Variants in TRIM67 observed in about 807,000 individuals in gnomAD.
TRIM67 encodes tripartite motif-containing protein 67.
Under a neutral mutation model 71.0 loss-of-function variants are expected in TRIM67, and 39 were observed. The ratio of observed to expected loss-of-function variants is 0.55; its 90% CI spans 0.43 to 0.72. The LOEUF (loss-of-function observed/expected upper bound fraction) is 0.72, where lower values mean the gene tolerates loss of function less well. Among genes scored for constraint, TRIM67 ranks in the 30% least tolerant of loss-of-function variants. The probability of loss-of-function intolerance (pLI) is 0.00; values close to 1 mark genes in which losing one functional copy is unlikely to be tolerated. For synonymous variants in TRIM67, 481 were observed against 473.9 expected (o/e 1.01, Z -0.19); for missense variants, 973 against 1,079.2 (o/e 0.90, Z 1.38).
In TRIM67 at chr1:231,205,401, G is replaced by T. The variant is rs921642708; in HGVS notation, c.1681-1251G>T. Among the ~76,000 whole-genome samples the T allele has an allele frequency of 4.6e-5, 7 of 152,310 alleles. No homozygotes were observed. In the South Asian group the frequency reaches 1.5e-3, roughly 32 times the overall value. On this transcript the variant is annotated intron_variant, in intron 6 of 9. Coordinates refer to ENST00000366653, the MANE Select transcript of TRIM67 (RefSeq NM_001004342.5). The stretch of plus-strand genomic sequence containing the variant: ...TGAATAGGACAAAGGTAACTTTGAA[G>T]CTAATGGAGAACAAGATCAATCTTT...
chr1:231,176,971 A>T (rs1196316667), intron 1 of TRIM67, among the ~76,000 whole-genome samples: 4 of 148,948 alleles, frequency 2.7e-5, no homozygotes, highest in Non-Finnish European at 5.9e-5. Context: ...GGGGCTAGAG[A>T]TGGGGAGAAA....
intron 5 of TRIM67, 89 bp downstream of exon 5, chr1:231,201,606 T>A (rs975421038): frequency 1.4e-6 from 2 of 1,451,360 alleles, no homozygotes; most frequent in Non-Finnish European, 1.8e-6. Flanking sequence ...TAGGGAGACC[T>A]GTGATGCACG....
At chr1:231,196,438 AC>A (rs906332704) in intron 1 of TRIM67, among the ~76,000 whole-genome samples, 3 of 151,958 alleles carry the variant, frequency 2.0e-5, no homozygotes, top group African/African-American at 7.3e-5. Flanking sequence ...CCTCCGAGAC[AC>A]CATCTCTACT....
chr1:231,177,079 G>A (rs1395620544), intron 1 of TRIM67, among the ~76,000 whole-genome samples: 1 of 152,060 alleles, frequency 6.6e-6, no homozygotes, highest in Non-Finnish European at 1.5e-5. Flanking sequence ...GGCTGATTTT[G>A]GTCATTTAAA....
At chr1:231,201,327 C>G in intron 4 of TRIM67, 31 bp from the exon 5 acceptor site, 1 of 1,595,068 alleles carries the variant, frequency 6.3e-7, no homozygotes, top group Non-Finnish European at 8.5e-7. Context: ...CTTTGCAAAG[C>G]AAAACCTTAA....
chr1:231,178,845 G>A (rs1265687607), intron 1 of TRIM67, among the ~76,000 whole-genome samples: 1 of 152,226 alleles, frequency 6.6e-6, no homozygotes, highest in East Asian at 1.9e-4. Flanking sequence ...GAAGTCAGAT[G>A]AGGTTAGTAA....
Position 231,163,152 on chromosome 1 carries a change from C to T in TRIM67, c.183C>T (p.Ala61=). The T allele has an allele frequency of 6.5e-7, 1 of 1,527,688 alleles. No individual in the cohort carries two copies. Among genetic ancestry groups the T allele is most frequent in the Non-Finnish European group, 8.8e-7 (1 of 1,138,952 alleles). The allele number at this position is 1,527,688 out of a possible 1,614,324, so 94.6% of individuals were successfully genotyped here. Reference sequence around the variant, plus strand: ...GGGGATCGGGGCTGCAGGCGGGCGCCGCCGCCGCTGCCTCTCTGGAGCACG... The same window carrying T: ...GGGGATCGGGGCTGCAGGCGGGCGCTGCCGCCGCTGCCTCTCTGGAGCACG... ...LSRGSGLQAG[A]AAAASLEHDA... The change falls in exon 1 of 10, where the codon GCC becomes GCT. Residue 61 remains alanine, a synonymous_variant. Transcript: ENST00000366653.
In TRIM67 at chr1:231,163,258, G is replaced by T. The variant is rs922742116; in HGVS notation, c.289G>T (p.Asp97Tyr). Residue 97 changes from aspartate (D) to tyrosine (Y), a missense_variant, in exon 1 of 10, where the codon GAC (aspartate) becomes TAC (tyrosine). By Grantham distance (160) the Asp-to-Tyr change is radical. This residue lies in a region of TRIM67 where 795 missense variants were observed against 831.3 expected (regional missense o/e 0.96). Transcript: ENST00000366653. Reference protein sequence around the residue: ...GLGGGAGGGGDHADKLSLYSE... With the variant: ...GLGGGAGGGGYHADKLSLYSE... ...CGGCGGCGGTGCGGGAGGTGGCGGA[G>T]ACCACGCGGACAAGCTCAGCTTGTA... is the stretch of plus-strand genomic sequence containing the variant. 4.8e-5 allele frequency: 72 copies of T among 1,512,900 alleles called. No homozygotes were observed. Among genetic ancestry groups the T allele is most frequent in the Non-Finnish European group, 6.1e-5 (69 of 1,130,542 alleles). The allele number at this position is 1,512,900 out of a possible 1,614,324, so 93.7% of individuals were successfully genotyped here.
rs75857460 is a variant in TRIM67 at position 231,176,287 on chromosome 1, C to T, written c.1044+12274C>T. Among the ~76,000 whole-genome samples the T allele has an allele frequency of 7.8e-3, 1,181 of 152,204 alleles. 8 individuals are homozygous for T. The highest frequency in any genetic ancestry group is 0.013 in the Non-Finnish European group (899 of 68,022). On this transcript the variant is annotated intron_variant, in intron 1 of 9. Coordinates refer to ENST00000366653, the MANE Select transcript of TRIM67 (RefSeq NM_001004342.5). ...TTGTACAGCCAACCTGATGTATATG[C>T]GCCTGATATGAAAAGTGGAATAAGT...
chr1:231,199,177 C>G lies in TRIM67; in HGVS notation c.1263+8C>G. 1 of 1,613,752 alleles carries G rather than the reference C, an allele frequency of 6.2e-7. No homozygotes were observed. The highest frequency in any genetic ancestry group is 8.5e-7 in the Non-Finnish European group (1 of 1,179,776). On this transcript the variant is annotated splice_region_variant and intron_variant, in intron 3 of 9. Coordinates refer to ENST00000366653, the MANE Select transcript of TRIM67 (RefSeq NM_001004342.5). ...AGGGAACACAAGTTGAAGGTAGGTA[C>G]CTGGGGGACTGACACATTGAATCCC...
chr1:231,194,542 G>A (rs943131472), intron 1 of TRIM67, among the ~76,000 whole-genome samples: 5 of 152,190 alleles, frequency 3.3e-5, no homozygotes, highest in Admixed American at 1.3e-4. Flanking sequence ...TGAAGGAGAA[G>A]GGAGAGCTCC....
Position 231,216,638 on chromosome 1 carries a change from G to A in TRIM67, c.*1198G>A. 6 of 985,592 alleles carry A rather than the reference G, an allele frequency of 6.1e-6. No homozygotes were observed. Among genetic ancestry groups the A allele is most frequent in the Non-Finnish European group, 7.2e-6 (6 of 830,022 alleles). 61.1% of individuals were successfully genotyped at this position (985,592 alleles called of 1,614,324 possible). ...TGATGCAGTGGGCGGGATCTCTGGG[G>A]AAGGCAGGAAATAGAAGGGCAGTAT... On this transcript the variant is annotated 3_prime_UTR_variant, in exon 10 of 10. Coordinates refer to ENST00000366653, the MANE Select transcript of TRIM67 (RefSeq NM_001004342.5).
chr1:231,164,202 A>T (rs1264774390), intron 1 of TRIM67, among the ~76,000 whole-genome samples, 189 bp downstream of exon 1: 1 of 152,226 alleles, frequency 6.6e-6, no homozygotes, highest in East Asian at 1.9e-4. Context: ...GGTACTTTGG[A>T]CTGGATGCTG....
chr1:231,219,676 A>T lies in TRIM67; in HGVS notation c.*4236A>T. ...TTACTGGAAGCAACAGGAACTTCTT[A>T]ATGGGTTTGTGGCCCTCAATTGGTT... is the stretch of plus-strand genomic sequence containing the variant. On this transcript the variant is annotated 3_prime_UTR_variant, in exon 10 of 10. Transcript: ENST00000366653. 8.5e-7 allele frequency: 1 copy of T among 1,171,704 alleles called. No individual in the cohort carries two copies. The highest frequency in any genetic ancestry group is 1.1e-6 in the Non-Finnish European group (1 of 934,310). 72.6% of individuals were successfully genotyped at this position (1,171,704 alleles called of 1,614,324 possible).
rs887789754 is a variant in TRIM67, at chr1:231,196,223, C to T, written c.1045-1148C>T. ...GTCTGAGCAGAGACCTGGGAGGGGA[C>T]TTGGGGGAGAAGGAGACCCTGGCCC... is the stretch of plus-strand genomic sequence containing the variant. On this transcript the variant is annotated intron_variant, in intron 1 of 9. Coordinates refer to ENST00000366653, the MANE Select transcript of TRIM67 (RefSeq NM_001004342.5). Among the ~76,000 whole-genome samples the T allele has an allele frequency of 2.6e-5, 4 of 152,222 alleles. No individual in the cohort carries two copies. The South Asian group carries it at 8.3e-4, about 32-fold the overall frequency.
At chr1:231,174,460 C>T (rs1682694502) in intron 1 of TRIM67, among the ~76,000 whole-genome samples, 1 of 152,028 alleles carries the variant, frequency 6.6e-6, no homozygotes, top group African/African-American at 2.4e-5. Flanking sequence ...GCCACCATGT[C>T]CAGCCTTTTA....
intron 8 of TRIM67, among the ~76,000 whole-genome samples, chr1:231,213,588 G>T (rs534388228): frequency 2.6e-5 from 4 of 152,064 alleles, no homozygotes; most frequent in Non-Finnish European, 5.9e-5. Context: ...AAAATTAGCT[G>T]GGTCTCATGT....
chr1:231,200,804 C>T (rs765923391), intron 4 of TRIM67, among the ~76,000 whole-genome samples: 7 of 152,096 alleles, frequency 4.6e-5, no homozygotes, highest in South Asian at 2.1e-4. Context: ...GACCCTGGCT[C>T]GACAGGGACA....
chr1:231,163,041 CAAT>C lies in TRIM67; in HGVS notation c.73_75del (p.Asn25del). The C allele has an allele frequency of 6.2e-7, 1 of 1,611,844 alleles. No individual in the cohort carries two copies. The highest frequency in any genetic ancestry group is 8.5e-7 in the Non-Finnish European group (1 of 1,179,004). ...AGCCTATCATCCTGCCCTGTTCCCACAATGTCTGCCTGCCTTGCGCTCGCACCA... is the reference window on the plus strand; with the variant it reads ...AGCCTATCATCCTGCCCTGTTCCCACGTCTGCCTGCCTTGCGCTCGCACCA... On this transcript the variant is annotated inframe_deletion, in exon 1 of 10. Coordinates refer to ENST00000366653, the MANE Select transcript of TRIM67 (RefSeq NM_001004342.5).
Sources: allele counts gnomAD v4.1 joint callset (sites outside exome capture counted in the v4.1 genomes callset), GRCh38; gene constraint gnomAD v4.1.1; regional missense constraint gnomAD v4.1.1; transcripts MANE v1.5; gene names NCBI Gene and HGNC (gene_info 2026-07-23, HGNC 2026-07-21).